PTPRD: variants seen among roughly 807,000 people sequenced by gnomAD.
PTPRD encodes protein tyrosine phosphatase receptor type D, also known as receptor-type tyrosine-protein phosphatase delta.
PTPRD carries 34 observed loss-of-function variants against 214.5 expected under a neutral mutation model. That is an observed-to-expected ratio of 0.16 (90% CI 0.12 to 0.21). The LOEUF is 0.21. Among genes scored for constraint, PTPRD ranks in the 10% least tolerant of loss-of-function variants. The pLI is 1.00. For synonymous variants in PTPRD, 1,128 were observed against 845.7 expected, an observed-to-expected ratio of 1.33 and a Z score of -5.79; for missense variants, 2,545 against 2,398.7, an observed-to-expected ratio of 1.06 and a Z score of -1.27.
intron 12 of PTPRD, among the ~76,000 whole-genome samples, chr9:8,681,426 T>G (rs1252421967): frequency 1.3e-5 from 2 of 152,224 alleles, no homozygotes; most frequent in African/African-American, 4.8e-5. Flanking sequence ...ACAGGCTAGT[T>G]TGAAGCAACA....
chr9:9,336,364 A>G (rs2044479856), intron 9 of PTPRD, among the ~76,000 whole-genome samples: 1 of 152,130 alleles, frequency 6.6e-6, no homozygotes, highest in Non-Finnish European at 1.5e-5. Flanking sequence ...ATGTTGTGCT[A>G]TCAACTTTTG....
chr9:8,610,303 C>T (rs1201626286), intron 14 of PTPRD, among the ~76,000 whole-genome samples: 2 of 152,138 alleles, frequency 1.3e-5, no homozygotes, highest in Non-Finnish European at 2.9e-5. Flanking sequence ...CTGTTCGGCA[C>T]ATATTAAATA....
chr9:10,560,705 G>A (rs977485367), intron 2 of PTPRD, among the ~76,000 whole-genome samples: 2 of 152,108 alleles, frequency 1.3e-5, no homozygotes, highest in African/African-American at 2.4e-5. Flanking sequence ...AGTGCATAAA[G>A]TGCTGTACCA....
intron 7 of PTPRD, among the ~76,000 whole-genome samples, chr9:9,680,113 T>A (rs1184575506): frequency 2.6e-5 from 4 of 151,896 alleles, no homozygotes; most frequent in Admixed American, 6.6e-5. Flanking sequence ...TCTTGACAGT[T>A]ATATGTCTCC....
At chr9:10,541,226 GTAACATCAATC>G (rs1280868679) in intron 2 of PTPRD, among the ~76,000 whole-genome samples, 1 of 152,142 alleles carries the variant, frequency 6.6e-6, no homozygotes, top group Non-Finnish European at 1.5e-5. Flanking sequence ...AAGAAGGATT[GTAACATCAATC>G]TAAGCTGCCT....
chr9:10,482,238 G>C (rs907593995), intron 2 of PTPRD, among the ~76,000 whole-genome samples: 3 of 151,850 alleles, frequency 2.0e-5, no homozygotes, highest in Non-Finnish European at 4.4e-5. Context: ...GGGCGTGGTG[G>C]CGGGTGCCTG....
chr9:9,756,978 A>G (rs1160069199), intron 6 of PTPRD, among the ~76,000 whole-genome samples: 1 of 152,202 alleles, frequency 6.6e-6, no homozygotes, highest in African/African-American at 2.4e-5. Context: ...TTTCCACAAG[A>G]ATGTGTTTCA....
At chr9:8,808,178 T>G (rs1426766739) in intron 11 of PTPRD, among the ~76,000 whole-genome samples, 1 of 152,126 alleles carries the variant, frequency 6.6e-6, no homozygotes, top group Non-Finnish European at 1.5e-5. Flanking sequence ...GATTTAGGAT[T>G]TAGAAGCACA....
chr9:9,549,388 G>A (rs1325153761), intron 8 of PTPRD, among the ~76,000 whole-genome samples: 2 of 151,966 alleles, frequency 1.3e-5, no homozygotes, highest in Admixed American at 1.3e-4. Context: ...ATTTTAAAAT[G>A]AAACCATCCA....
At chr9:8,641,738 A>G (rs1376242841) in intron 12 of PTPRD, among the ~76,000 whole-genome samples, 1 of 152,230 alleles carries the variant, frequency 6.6e-6, no homozygotes, top group Non-Finnish European at 1.5e-5. Flanking sequence ...TATTTGCTAC[A>G]CAGCTCAAGA....
chr9:10,063,952 A>G (rs948541300), intron 3 of PTPRD, among the ~76,000 whole-genome samples: 2 of 152,156 alleles, frequency 1.3e-5, no homozygotes, highest in South Asian at 4.1e-4. Context: ...ACCTTCCCTC[A>G]CAGCTATTAA....
chr9:9,008,520 C>T (rs2099492629), intron 11 of PTPRD, among the ~76,000 whole-genome samples: 1 of 151,982 alleles, frequency 6.6e-6, no homozygotes, highest in Admixed American at 6.6e-5. Context: ...GCCACCGCGC[C>T]CGGCCTCCCC....
At chr9:10,471,163 A>T (rs2099028655) in intron 2 of PTPRD, among the ~76,000 whole-genome samples, 1 of 45,186 alleles carries the variant, frequency 2.2e-5, no homozygotes, top group South Asian at 1.0e-3. Flanking sequence ...GGGCTAGGGG[A>T]AGGACACAGC....
chr9:9,794,933 A>T (rs2098992610), intron 5 of PTPRD, among the ~76,000 whole-genome samples: 1 of 152,234 alleles, frequency 6.6e-6, no homozygotes, highest in African/African-American at 2.4e-5. Context: ...TGCTGCAATC[A>T]TCTAAACCAG....
chr9:10,485,122 G>T (rs2099124280), intron 2 of PTPRD, among the ~76,000 whole-genome samples: 1 of 151,782 alleles, frequency 6.6e-6, no homozygotes, highest in Non-Finnish European at 1.5e-5. Flanking sequence ...TCACCAGATT[G>T]TCTTTTCTCC....
intron 9 of PTPRD, among the ~76,000 whole-genome samples, chr9:9,236,023 G>T (rs887872595): frequency 6.6e-6 from 1 of 152,080 alleles, no homozygotes; most frequent in Non-Finnish European, 1.5e-5. Flanking sequence ...CAGCACTTTG[G>T]GAGGCTGAGG....
intron 8 of PTPRD, among the ~76,000 whole-genome samples, chr9:9,567,085 A>T (rs912307639): frequency 6.6e-6 from 1 of 152,068 alleles, no homozygotes; most frequent in Non-Finnish European, 1.5e-5. Context: ...GGTCAATGGG[A>T]AAATGAAAGC....
At chr9:10,363,969 A>T (rs1279382103) in intron 2 of PTPRD, among the ~76,000 whole-genome samples, 1 of 116,288 alleles carries the variant, frequency 8.6e-6, no homozygotes, top group Non-Finnish European at 1.8e-5. Flanking sequence ...ATGTACTATT[A>T]TTATTGCCTC....
At chr9:8,480,244 C>T (rs980071065) in intron 30 of PTPRD, among the ~76,000 whole-genome samples, 7 of 152,154 alleles carry the variant, frequency 4.6e-5, no homozygotes, top group Non-Finnish European at 8.8e-5. Flanking sequence ...CCATCAGAGA[C>T]GCTCTATCCT....
Sources: gnomAD v4.1 joint callset for allele counts (sites outside exome capture counted in the v4.1 genomes callset) on GRCh38, gnomAD v4.1.1 for gene constraint, MANE v1.5 for transcripts, NCBI Gene and HGNC (gene_info 2026-07-23, HGNC 2026-07-21) for gene names.